ERC2: variants seen among roughly 807,000 people sequenced by gnomAD.
The protein encoded by ERC2 is ELKS/RAB6-interacting/CAST family member 2, also known as ERC protein 2.
In ERC2, 42 loss-of-function variants were observed where a neutral mutation model predicts 114.8. That is an observed-to-expected ratio of 0.37 (90% CI 0.29 to 0.47). ERC2 has a LOEUF of 0.47. Ranked by LOEUF, ERC2 falls within the 20% of genes least tolerant of loss-of-function variation. ERC2 has a pLI of 0.99. For missense variants in ERC2, 939 were observed against 1,150.7 expected (o/e 0.82, Z 2.66); for synonymous variants, 454 against 425.5 (o/e 1.07, Z -0.82).
rs11457828 is a variant in ERC2, at chr3:56,202,501, C to CTT, written c.1075-28983_1075-28982dup. Among the ~76,000 whole-genome samples the CTT allele has an allele frequency of 2.8e-3, 390 of 141,122 alleles. 2 individuals are homozygous for CTT. The highest frequency in any genetic ancestry group is 0.018 in the South Asian group (77 of 4,378). 92.6% of individuals were successfully genotyped at this position (141,122 alleles called of 152,430 possible). A position where few individuals can be genotyped will look rare whatever the true frequency, so the allele number is the denominator to read the frequency against. Reference sequence around the variant, plus strand: ...TATTCTGAGCATCTCTAAACTCAAGCTTTTTTTTTTTTGCTTATTTATAGA... The same window carrying CTT: ...TATTCTGAGCATCTCTAAACTCAAGCTTTTTTTTTTTTTTGCTTATTTATAGA... On this transcript the variant is annotated intron_variant, in intron 3 of 17. Transcript: ENST00000288221.
chr3:56,289,163 A>T (rs978278608), intron 3 of ERC2, among the ~76,000 whole-genome samples: 3 of 151,844 alleles, frequency 2.0e-5, no homozygotes, highest in African/African-American at 7.3e-5. Context: ...CCTCCTGCTG[A>T]CAACCCTTGC....
At chr3:55,554,374 C>T (rs1466525697) in intron 17 of ERC2, among the ~76,000 whole-genome samples, 1 of 152,190 alleles carries the variant, frequency 6.6e-6, no homozygotes, top group Admixed American at 6.5e-5. Context: ...GAGCTGATGA[C>T]ATCCTTAACA....
At chr3:55,613,250 C>G (rs1375118107) in intron 17 of ERC2, 1 of 152,178 alleles carries the variant, frequency 6.6e-6, no homozygotes, top group Admixed American at 6.5e-5. Flanking sequence ...TACAAGCAAG[C>G]CTGGGACCTC....
chr3:55,678,069 T>C (rs552820298), intron 17 of ERC2, among the ~76,000 whole-genome samples: 14 of 152,154 alleles, frequency 9.2e-5, no homozygotes, highest in East Asian at 1.9e-4. Context: ...GAATAGAAGA[T>C]ATAAATATAC....
intron 17 of ERC2, among the ~76,000 whole-genome samples, chr3:55,648,117 C>T (rs2060471136): frequency 6.6e-6 from 1 of 152,208 alleles, no homozygotes; most frequent in Admixed American, 6.5e-5. Context: ...TTATTCTTCC[C>T]TTTCGTTCAT....
intron 11 of ERC2, among the ~76,000 whole-genome samples, chr3:55,989,797 A>C (rs1311605654): frequency 6.6e-6 from 1 of 152,230 alleles, no homozygotes; most frequent in Admixed American, 6.5e-5. Flanking sequence ...TGCTTCCCAG[A>C]GTACCTGGCA....
At chr3:55,767,655 C>T (rs9809043) in intron 14 of ERC2, among the ~76,000 whole-genome samples, 49,525 of 151,864 alleles carry the variant, frequency 0.33, 8,692 homozygotes, top group African/African-American at 0.46. Flanking sequence ...GCACAGAGAC[C>T]CTCCTGCCAG....
chr3:56,151,559 A>G (rs572950810), intron 4 of ERC2, among the ~76,000 whole-genome samples: 1 of 152,314 alleles, frequency 6.6e-6, no homozygotes, highest in South Asian at 2.1e-4. Flanking sequence ...CCAGAGAAGG[A>G]CAGAGGGAAT....
intron 7 of ERC2, among the ~76,000 whole-genome samples, chr3:56,039,176 T>C (rs1167593074): frequency 1.3e-5 from 2 of 152,024 alleles, no homozygotes; most frequent in Non-Finnish European, 2.9e-5. Context: ...TGTTTACCTA[T>C]GAAACAAACC....
At chr3:56,178,758 A>T (rs1311488269) in intron 3 of ERC2, among the ~76,000 whole-genome samples, 1 of 152,132 alleles carries the variant, frequency 6.6e-6, no homozygotes, top group Non-Finnish European at 1.5e-5. Context: ...GTTTTTTTTT[A>T]AATTCCAGAT....
At chr3:56,456,684 A>C (rs1162684155) in intron 1 of ERC2, among the ~76,000 whole-genome samples, 1 of 152,206 alleles carries the variant, frequency 6.6e-6, no homozygotes, top group Non-Finnish European at 1.5e-5. Context: ...TGGCTCAATT[A>C]CATTATGAGC....
chr3:55,680,428 C>T (rs2062004286), intron 17 of ERC2, among the ~76,000 whole-genome samples: 1 of 152,212 alleles, frequency 6.6e-6, no homozygotes, highest in Non-Finnish European at 1.5e-5. Context: ...ACCCGAATGC[C>T]TCTTGGGGGA....
intron 17 of ERC2, among the ~76,000 whole-genome samples, chr3:55,527,297 C>A (rs897420836): frequency 1.3e-5 from 2 of 152,172 alleles, no homozygotes; most frequent in African/African-American, 4.8e-5. Context: ...ATAGCATAGA[C>A]CAGACATGTT....
chr3:55,769,287 T>C (rs905647702), intron 14 of ERC2, among the ~76,000 whole-genome samples: 2 of 152,084 alleles, frequency 1.3e-5, no homozygotes, highest in African/African-American at 4.8e-5. Context: ...TCAACATTTA[T>C]TTGGGGGCAG....
intron 13 of ERC2, among the ~76,000 whole-genome samples, chr3:55,943,807 G>A (rs1210281816): frequency 6.6e-6 from 1 of 152,174 alleles, no homozygotes; most frequent in Non-Finnish European, 1.5e-5. Flanking sequence ...CCAGTTTATA[G>A]TCCAAGCTTC....
At chr3:56,222,144 A>T (rs1365417256) in intron 3 of ERC2, among the ~76,000 whole-genome samples, 2 of 152,194 alleles carry the variant, frequency 1.3e-5, no homozygotes, top group Non-Finnish European at 2.9e-5. Context: ...AGGACTCCAG[A>T]TACTGAAAAT....
chr3:55,884,723 C>T (rs542682223), intron 14 of ERC2, among the ~76,000 whole-genome samples: 172 of 152,186 alleles, frequency 1.1e-3, no homozygotes, highest in Non-Finnish European at 2.1e-3. Context: ...GAATGGGAGA[C>T]AGGCTTCTGC....
At chr3:56,155,479 A>G (rs1181301465) in intron 4 of ERC2, among the ~76,000 whole-genome samples, 1 of 152,132 alleles carries the variant, frequency 6.6e-6, no homozygotes. Context: ...ACAGCTATAT[A>G]TAGCTACATT....
At chr3:56,453,873 C>A (rs1016660644) in intron 1 of ERC2, among the ~76,000 whole-genome samples, 2 of 152,100 alleles carry the variant, frequency 1.3e-5, no homozygotes, top group African/African-American at 4.8e-5. Context: ...TGAATGCCAG[C>A]GAGCATCAAT....
Sources: allele counts gnomAD v4.1 joint callset (sites outside exome capture counted in the v4.1 genomes callset), GRCh38; gene constraint gnomAD v4.1.1; transcripts MANE v1.5; gene names NCBI Gene and HGNC (gene_info 2026-07-23, HGNC 2026-07-21).